Variants in NSD1 observed in about 807,000 individuals in gnomAD.
NSD1 encodes the protein nuclear receptor binding SET domain protein 1.
In NSD1, 26 loss-of-function variants were observed where a neutral mutation model predicts 242.7. That is an observed-to-expected ratio of 0.11 (90% CI 0.08 to 0.15). NSD1 has a LOEUF of 0.15. Ranked by LOEUF, NSD1 falls within the 10% of genes least tolerant of loss-of-function variation. The pLI is 1.00. For missense variants in NSD1, 2,495 were observed against 3,272.8 expected (o/e 0.76, Z 5.80); for synonymous variants, 1,106 against 1,178.1 (o/e 0.94, Z 1.25).
At chr5:177,232,328 G>C (rs1397310648) in intron 5 of NSD1, among the ~76,000 whole-genome samples, 1 of 152,150 alleles carries the variant, frequency 6.6e-6, no homozygotes, top group Non-Finnish European at 1.5e-5. Flanking sequence ...TGTCATTCCT[G>C]ATATTCTACA....
At chr5:177,155,952 G>A (rs1329007872) in intron 2 of NSD1, among the ~76,000 whole-genome samples, 2 of 151,790 alleles carry the variant, frequency 1.3e-5, no homozygotes, top group African/African-American at 4.8e-5. Context: ...TGATATGCCC[G>A]ACTCAGCCTC....
Position 177,294,240 on chromosome 5 carries a change from A to G in NSD1, c.6872A>G (p.Gln2291Arg). The change falls in exon 23 of 23, where the codon CAG becomes CGG. Residue 2291 changes from glutamine (Q) to arginine (R), a missense_variant. Around this residue, in one of 19 missense-constraint regions of NSD1, gnomAD observed 475 missense variants for 563.7 expected, o/e 0.84. Transcript: ENST00000439151. ...RPLERTDSRPQPLDKVRDLAG... is the reference protein window; with the variant it reads ...RPLERTDSRPRPLDKVRDLAG... ...CTTGAGAGAACTGACTCCAGGCCCCAGCCTTTAGATAAGGTCAGAGACCTC... is the reference window on the plus strand; with the variant it reads ...CTTGAGAGAACTGACTCCAGGCCCCGGCCTTTAGATAAGGTCAGAGACCTC... The G allele has an allele frequency of 1.2e-6, 2 of 1,613,542 alleles. No homozygotes were observed. Among genetic ancestry groups the G allele is most frequent in the South Asian group, 2.2e-5 (2 of 91,020 alleles).
chr5:177,181,512 A>T (rs1247030671), intron 2 of NSD1, among the ~76,000 whole-genome samples: 1 of 130,568 alleles, frequency 7.7e-6, no homozygotes, highest in Non-Finnish European at 1.5e-5. Flanking sequence ...TGCAACCTCC[A>T]ACTCGCGGGT....
Position 177,222,684 on chromosome 5 carries a change from G to T in NSD1, c.3796+10489G>T, listed in dbSNP as rs73806740. On this transcript the variant is annotated intron_variant, in intron 5 of 22. Coordinates refer to ENST00000439151, the MANE Select transcript of NSD1 (RefSeq NM_022455.5). ...AGAGTCTTTGACTATATTTTAATTG[G>T]GGCTTTTTTGCCTTTTGGTTATTAA... Among the ~76,000 whole-genome samples, 636 of 151,976 alleles carry T rather than the reference G, an allele frequency of 4.2e-3. 4 individuals carry two copies. Among genetic ancestry groups the T allele is most frequent in the African/African-American group, 0.015 (616 of 41,444 alleles).
chr5:177,238,503 G>T lies in NSD1; in HGVS notation c.4188G>T (p.Thr1396=), dbSNP rs148112060. 6.2e-7 allele frequency: 1 copy of T among 1,612,894 alleles called. No individual in the cohort carries two copies. The highest frequency in any genetic ancestry group is 1.7e-5 in the Admixed American group (1 of 60,008). The part of the protein sequence containing the change: ...ALESEELLVK[T]PGNYESKRQR... ...AGTCTGAGGAATTGCTAGTTAAAAC[G>T]CCAGGTAAGGTGGGGTTGGGGTCTC... is the stretch of plus-strand genomic sequence containing the variant. The change falls in exon 7 of 23, where the codon ACG becomes ACT. Residue 1396 remains threonine (T), a synonymous_variant. Transcript: ENST00000439151. This position sits in a 1 kb window ranked among gnomAD's most constrained non-coding sequence, Gnocchi z 4.6.
At chr5:177,277,214 C>T (rs915160832) in intron 17 of NSD1, among the ~76,000 whole-genome samples, 1 of 151,088 alleles carries the variant, frequency 6.6e-6, no homozygotes, top group Non-Finnish European at 1.5e-5. Flanking sequence ...CAAATGTGGT[C>T]TACTGCCTAT....
chr5:177,253,075 A>C (rs1412613631), intron 12 of NSD1, among the ~76,000 whole-genome samples: 2 of 152,174 alleles, frequency 1.3e-5, no homozygotes, highest in African/African-American at 2.4e-5. Context: ...CAGATGCAGC[A>C]AAGATACTAA....
chr5:177,266,761 C>T (rs1056394166), intron 14 of NSD1: 17 of 251,222 alleles, frequency 6.8e-5, no homozygotes, highest in African/African-American at 2.3e-4. Flanking sequence ...TTGAGTCTAG[C>T]ATGTTTGAAT....
At chr5:177,188,611 AGT>A (rs1336165781) in intron 2 of NSD1, among the ~76,000 whole-genome samples, 2 of 152,198 alleles carry the variant, frequency 1.3e-5, no homozygotes. Context: ...TGGATCATAC[AGT>A]GTATGTATAG....
At chr5:177,191,067 A>G (rs578198222) in intron 2 of NSD1, among the ~76,000 whole-genome samples, 2 of 150,086 alleles carry the variant, frequency 1.3e-5, no homozygotes, top group African/African-American at 2.5e-5. Context: ...CCAGGGTTCA[A>G]GCGATTCTCC....
rs1184899065 is a variant in NSD1 at position 177,219,549 on chromosome 5, TTTG to T, written c.3796+7360_3796+7362del. Among the ~76,000 whole-genome samples, 3 of 152,156 alleles carry T rather than the reference TTTG, an allele frequency of 2.0e-5. No individual in the cohort carries two copies. The South Asian group carries it at 6.2e-4, about 32-fold the overall frequency. On this transcript the variant is annotated intron_variant, in intron 5 of 22. Coordinates refer to ENST00000439151, the MANE Select transcript of NSD1 (RefSeq NM_022455.5). ...CTTTCTTCCATTGATTGTTCAAGAG[TTTG>T]TTGTTTAATTTCCACCTATTGGTGG...
intron 2 of NSD1, among the ~76,000 whole-genome samples, chr5:177,188,314 C>G (rs571888391): frequency 4.6e-5 from 7 of 152,128 alleles, no homozygotes. Flanking sequence ...GGAATTCTTG[C>G]CTGTTTCTAA....
At chr5:177,196,669 CCATGGGCAAGG>C (rs1378134763) in intron 3 of NSD1, among the ~76,000 whole-genome samples, 5 of 152,180 alleles carry the variant, frequency 3.3e-5, no homozygotes, top group African/African-American at 1.2e-4. Context: ...TTAGTTGGAG[CCATGGGCAAGG>C]CATGGGTGAG....
At chr5:177,256,244 T>C (rs1227528057) in intron 12 of NSD1, among the ~76,000 whole-genome samples, 1 of 151,560 alleles carries the variant, frequency 6.6e-6, no homozygotes, top group Admixed American at 6.6e-5. Flanking sequence ...CTCTTAAGTT[T>C]CTACTTATCT....
intron 13 of NSD1, 63 bp downstream of exon 13, chr5:177,257,214 T>C: frequency 7.7e-7 from 1 of 1,301,870 alleles, no homozygotes; most frequent in Admixed American, 2.2e-5. Context: ...CAACAGATAT[T>C]TTCTTTTTTC....
chr5:177,254,556 T>G (rs1399989593), intron 12 of NSD1, among the ~76,000 whole-genome samples: 1 of 152,040 alleles, frequency 6.6e-6, no homozygotes, highest in African/African-American at 2.4e-5. Context: ...TGCACCACCA[T>G]GCCCAGCTAA....
chr5:177,265,702 C>T (rs1757374075), intron 14 of NSD1: 4 of 1,609,270 alleles, frequency 2.5e-6, no homozygotes, highest in Non-Finnish European at 2.6e-6. Context: ...TCTCCTCGCC[C>T]GTCTTCAAGG....
At chr5:177,239,438 TCTC>T (rs1205611674) in intron 7 of NSD1, among the ~76,000 whole-genome samples, 4 of 152,198 alleles carry the variant, frequency 2.6e-5, no homozygotes, top group African/African-American at 9.6e-5. Flanking sequence ...TCACTCCACT[TCTC>T]CTTATTTTAT....
At chr5:177,198,574 G>A (rs539909368) in intron 3 of NSD1, among the ~76,000 whole-genome samples, 14 of 152,202 alleles carry the variant, frequency 9.2e-5, no homozygotes, top group Non-Finnish European at 2.1e-4. Flanking sequence ...AGTATATTTA[G>A]TGTATAAAAT....
Sources: allele counts gnomAD v4.1 joint callset (sites outside exome capture counted in the v4.1 genomes callset), GRCh38; gene constraint gnomAD v4.1.1; regional missense constraint gnomAD v4.1.1; non-coding constraint Gnocchi (gnomAD v3.1); transcripts MANE v1.5; gene names NCBI Gene and HGNC (gene_info 2026-07-23, HGNC 2026-07-21).